CCDC7: variants seen among roughly 807,000 people sequenced by gnomAD.
CCDC7 encodes coiled-coil domain containing 7.
Under a neutral mutation model 196.9 loss-of-function variants are expected in CCDC7, and 183 were observed. That is an observed-to-expected ratio of 0.93 (90% CI 0.82 to 1.05). The LOEUF (loss-of-function observed/expected upper bound fraction) is 1.05, where lower values mean the gene tolerates loss of function less well. CCDC7 is among the 50% of genes least tolerant of loss of function. The pLI is 0.00. For missense variants in CCDC7, 1,540 were observed against 1,482.2 expected (o/e 1.04, Z -0.64); for synonymous variants, 525 against 484.6 (o/e 1.08, Z -1.10).
intron 18 of CCDC7, among the ~76,000 whole-genome samples, chr10:32,631,364 C>T (rs767045410): frequency 6.6e-6 from 1 of 152,122 alleles, no homozygotes; most frequent in Non-Finnish European, 1.5e-5. Flanking sequence ...TATTCTTTTA[C>T]ATCTGTATAT....
At chr10:32,673,791 C>G (rs1026825883) in intron 21 of CCDC7, among the ~76,000 whole-genome samples, 1 of 151,728 alleles carries the variant, frequency 6.6e-6, no homozygotes, top group Non-Finnish European at 1.5e-5. Flanking sequence ...TTATTATTTA[C>G]TATTGACCTT....
At chr10:32,661,708 T>C (rs2071493733) in intron 20 of CCDC7, among the ~76,000 whole-genome samples, 1 of 152,126 alleles carries the variant, frequency 6.6e-6, no homozygotes, top group Admixed American at 6.5e-5. Context: ...GCCTCAAAAT[T>C]CTGCCCAGTG....
chr10:32,453,081 G>A (rs1032390549), intron 1 of CCDC7, among the ~76,000 whole-genome samples: 4 of 152,056 alleles, frequency 2.6e-5, no homozygotes, highest in Admixed American at 6.5e-5. Flanking sequence ...GGCCCTCTCC[G>A]TTTTAAGATA....
At chr10:32,728,090 C>T (rs566660255) in intron 26 of CCDC7, among the ~76,000 whole-genome samples, 1 of 152,134 alleles carries the variant, frequency 6.6e-6, no homozygotes, top group African/African-American at 2.4e-5. Context: ...ATCTCATACA[C>T]CCCCTTTCTT....
At chr10:32,881,908 G>A (rs959561760), downstream of CCDC7, among the ~76,000 whole-genome samples, 2 of 152,024 alleles carry the variant, frequency 1.3e-5, no homozygotes, top group Non-Finnish European at 2.9e-5. Context: ...ATTCATCATC[G>A]AGGATCACGA....
chr10:32,633,263 A>G (rs2065134866), intron 18 of CCDC7, among the ~76,000 whole-genome samples: 1 of 152,230 alleles, frequency 6.6e-6, no homozygotes, highest in South Asian at 2.1e-4. Flanking sequence ...TCTTATGTAC[A>G]CAAACATGCA....
chr10:32,720,704 A>C lies in CCDC7; in HGVS notation c.2570-6030A>C, dbSNP rs150855724. ...GCATTCAGTGCACTTTCTGAGACCC[A>C]TTGGCATAGTTGATGACCCTCAGAC... On this transcript the variant is annotated intron_variant, in intron 25 of 41. Transcript: ENST00000639629. Among the ~76,000 whole-genome samples, 1,069 of 152,238 alleles carry C rather than the reference A, an allele frequency of 7.0e-3. 13 individuals are homozygous for C. Among genetic ancestry groups the C allele is most frequent in the African/African-American group, 0.025 (1,020 of 41,546 alleles).
At chr10:32,538,614 G>C (rs890534148) in intron 11 of CCDC7, among the ~76,000 whole-genome samples, 4 of 152,170 alleles carry the variant, frequency 2.6e-5, no homozygotes, top group Admixed American at 6.5e-5. Flanking sequence ...GATGTTGGCT[G>C]TGGTTTTGTC....
chr10:32,832,488 A>T (rs2092282923), intron 32 of CCDC7, among the ~76,000 whole-genome samples: 1 of 152,120 alleles, frequency 6.6e-6, no homozygotes, highest in Admixed American at 6.6e-5. Flanking sequence ...GGGGGAAAAA[A>T]AACCCAAAAA....
At chr10:32,645,109 A>T (rs1473941564) in intron 20 of CCDC7, among the ~76,000 whole-genome samples, 1 of 152,258 alleles carries the variant, frequency 6.6e-6, no homozygotes, top group Non-Finnish European at 1.5e-5. Context: ...GTTCAACATC[A>T]CTAATCATCA....
In CCDC7 at chr10:32,847,866, G is replaced by A. The variant is rs2093373397; in HGVS notation, c.3722G>A (p.Gly1241Asp). Residue 1241 changes from glycine to aspartate, a missense_variant, in exon 38 of 42, where the codon GGT (glycine) becomes GAT (aspartate). Physicochemically the swap from Gly to Asp is moderately conservative, Grantham distance 94. Coordinates refer to ENST00000639629, the Ensembl canonical transcript of CCDC7. ...GTAGAACCCTTGACAAATGCCATTG[G>A]TTCAAGTAAAACAATTGGTGAGATA... The A allele has an allele frequency of 2.5e-6, 4 of 1,611,338 alleles. No homozygotes were observed. In the East Asian group the frequency reaches 8.9e-5, roughly 36 times the overall value.
At chr10:32,506,912 A>G (rs759679021) in intron 9 of CCDC7, among the ~76,000 whole-genome samples, 32 of 152,198 alleles carry the variant, frequency 2.1e-4, no homozygotes, top group Non-Finnish European at 4.0e-4. Context: ...CCTTTGTCTC[A>G]TGAGGCAGCT....
At chr10:32,767,062 C>G (rs1019851904) in intron 28 of CCDC7, among the ~76,000 whole-genome samples, 3 of 152,030 alleles carry the variant, frequency 2.0e-5, no homozygotes, top group African/African-American at 7.2e-5. Context: ...CCAGATCTTG[C>G]AGGAACTAAT....
intron 13 of CCDC7, among the ~76,000 whole-genome samples, chr10:32,553,289 A>G (rs1365046776): frequency 6.6e-6 from 1 of 151,370 alleles, no homozygotes; most frequent in East Asian, 1.9e-4. Context: ...TTTTTCTTTA[A>G]GCTTTCTATT....
chr10:32,706,179 T>C (rs2079715301), intron 24 of CCDC7, among the ~76,000 whole-genome samples: 1 of 152,088 alleles, frequency 6.6e-6, no homozygotes, highest in South Asian at 2.1e-4. Context: ...TCAAAACTGC[T>C]CAACTATAGG....
At chr10:32,697,780 G>A (rs2077972955) in intron 24 of CCDC7, among the ~76,000 whole-genome samples, 1 of 152,334 alleles carries the variant, frequency 6.6e-6, no homozygotes. Context: ...GGAAACTTCT[G>A]CAGACTTAAA....
At chr10:32,548,411 A>G (rs1401339064) in intron 13 of CCDC7, among the ~76,000 whole-genome samples, 1 of 152,148 alleles carries the variant, frequency 6.6e-6, no homozygotes, top group Non-Finnish European at 1.5e-5. Flanking sequence ...GGGTGACTCA[A>G]GACGTAGCAG....
At chr10:32,654,877 G>A (rs1273530390) in intron 20 of CCDC7, among the ~76,000 whole-genome samples, 1 of 152,144 alleles carries the variant, frequency 6.6e-6, no homozygotes, top group Non-Finnish European at 1.5e-5. Context: ...ACTCCTTATG[G>A]ACATCTAATT....
chr10:32,844,682 TAA>T (rs1252719658), intron 33 of CCDC7, among the ~76,000 whole-genome samples: 2 of 151,890 alleles, frequency 1.3e-5, no homozygotes, highest in Admixed American at 6.6e-5. Flanking sequence ...TAAGGAATTA[TAA>T]AGTGTCAGTT....
Sources: allele counts gnomAD v4.1 joint callset (sites outside exome capture counted in the v4.1 genomes callset), GRCh38; gene constraint gnomAD v4.1.1; transcripts MANE v1.5; gene names NCBI Gene and HGNC (gene_info 2026-07-23, HGNC 2026-07-21).